MS4A14: variants seen among roughly 807,000 people sequenced by gnomAD.
MS4A14 encodes the protein membrane-spanning 4-domains subfamily A member 14.
Under a neutral mutation model 16.7 loss-of-function variants are expected in MS4A14, and 18 were observed. The ratio of observed to expected loss-of-function variants is 1.08; its 90% CI spans 0.75 to 1.60. The LOEUF is 1.60. MS4A14 is among the 40% of genes most tolerant of loss of function. The probability of loss-of-function intolerance (pLI) is 0.00; values close to 1 mark genes in which losing one functional copy is unlikely to be tolerated. For synonymous variants in MS4A14, 305 were observed against 289.4 expected (o/e 1.05, Z -0.55); for missense variants, 812 against 775.3 (o/e 1.05, Z -0.56).
intron 4 of MS4A14, chr11:60,405,899 T>C (rs1426033322): frequency 6.5e-7 from 1 of 1,534,732 alleles, no homozygotes; most frequent in South Asian, 1.2e-5. Flanking sequence ...GGAATTTTGT[T>C]AATCTTACTG....
chr11:60,414,270 T>C (rs2085906289), intron 4 of MS4A14, among the ~76,000 whole-genome samples: 1 of 152,142 alleles, frequency 6.6e-6, no homozygotes, highest in Non-Finnish European at 1.5e-5. Context: ...TCTTCCAAAG[T>C]ACCATTTATA....
chr11:60,397,945 G>A lies in MS4A14; in HGVS notation c.232G>A (p.Val78Ile). The change falls in exon 2 of 5, where the codon GTC becomes ATC. Residue 78 changes from valine to isoleucine, a missense_variant. By Grantham distance (29) the Val-to-Ile change is conservative (BLOSUM62 3). Transcript: ENST00000300187. The part of the protein sequence containing the change: ...IGFSQRLPLV[V>I]LTGYPFWGAL... ...TTTCTCCCAAAGACTTCCCCTTGTT[G>A]TCCTCACAGGATATCCATTCTGGGG... 6.2e-7 allele frequency: 1 copy of A among 1,613,518 alleles called. No homozygotes were observed. Among genetic ancestry groups the A allele is most frequent in the Non-Finnish European group, 8.5e-7 (1 of 1,179,630 alleles).
chr11:60,397,295 C>A (rs777046993), intron 1 of MS4A14, among the ~76,000 whole-genome samples: 1 of 152,130 alleles, frequency 6.6e-6, no homozygotes, highest in Non-Finnish European at 1.5e-5. Flanking sequence ...CTGGGCTATT[C>A]TCATCCCTAG....
At chr11:60,396,763 G>A in intron 1 of MS4A14, 47 bp downstream of exon 1, 1 of 1,577,654 alleles carries the variant, frequency 6.3e-7, no homozygotes, top group African/African-American at 1.4e-5. Context: ...GAGAAAAGAA[G>A]TTTATTTATT....
chr11:60,400,529 T>G lies in MS4A14; in HGVS notation c.318+75T>G, dbSNP rs979344126. The G allele has an allele frequency of 5.7e-6, 6 of 1,055,152 alleles. No individual in the cohort carries two copies. The Admixed American group carries it at 1.3e-4, about 22-fold the overall frequency. The allele number at this position is 1,055,152 out of a possible 1,614,324, so 65.4% of individuals were successfully genotyped here. On this transcript the variant is annotated intron_variant, in intron 3 of 4. Coordinates refer to ENST00000300187, the MANE Select transcript of MS4A14 (RefSeq NM_032597.5). ...TCATCTTTATGTATGAAGCCTTTAG[T>G]AATAAAGTTACCTTTCAGGAAAATC...
rs778576266 is a variant in MS4A14 at position 60,415,461 on chromosome 11, G to A, written c.493G>A (p.Val165Ile). 1.2e-5 allele frequency: 19 copies of A among 1,610,350 alleles called. No homozygotes were observed. The highest frequency in any genetic ancestry group is 1.5e-5 in the Non-Finnish European group (18 of 1,178,654). ...GGTTCTGTTTTTCTTGCCTTCGGAT[G>A]TTACTCAAAATAGTGAACAACCTGC... ...FIVLFFLPSD[V>I]TQNSEQPAPE... Residue 165 changes from valine to isoleucine, a missense_variant, in exon 5 of 5, where the codon GTT (valine) becomes ATT (isoleucine). Physicochemically the swap from Val to Ile is conservative, Grantham distance 29. Coordinates refer to ENST00000300187, the MANE Select transcript of MS4A14 (RefSeq NM_032597.5).
At chr11:60,411,164 T>C (rs746411361) in intron 4 of MS4A14, among the ~76,000 whole-genome samples, 3 of 152,200 alleles carry the variant, frequency 2.0e-5, no homozygotes, top group African/African-American at 4.8e-5. Flanking sequence ...TTTTAATTAG[T>C]GTAGCTTTAC....
intron 3 of MS4A14, 147 bp downstream of exon 3, chr11:60,400,601 C>A: frequency 1.9e-6 from 1 of 532,474 alleles, no homozygotes. Flanking sequence ...TTGCCAGTGC[C>A]ACTGTTTGCC....
Position 60,403,038 on chromosome 11 carries a change from G to T in MS4A14, c.445G>T (p.Val149Phe). The change falls in exon 4 of 5, where the codon GTT (valine) becomes TTT (phenylalanine). Residue 149 changes from valine to phenylalanine, a missense_variant. Val to Phe is a conservative substitution (Grantham distance 50). Transcript: ENST00000300187. The part of the protein sequence containing the change: ...CQMPSFEEIC[V>F]FSRTLFIVLF... ...GATGCCATCCTTTGAAGAAATATGT[G>T]TTTTCAGTAGAACTCTTTTCATTGT... 1 of 1,613,658 alleles carries T rather than the reference G, an allele frequency of 6.2e-7. No homozygotes were observed. Among genetic ancestry groups the T allele is most frequent in the Non-Finnish European group, 8.5e-7 (1 of 1,179,682 alleles).
At chr11:60,412,128 C>A (rs1167559183) in intron 4 of MS4A14, among the ~76,000 whole-genome samples, 1 of 151,916 alleles carries the variant, frequency 6.6e-6, no homozygotes, top group Non-Finnish European at 1.5e-5. Context: ...TATGAATAAT[C>A]CTTTTCTAAT....
At chr11:60,415,378 CA>C (rs958353695) in intron 4 of MS4A14, 58 bp from the exon 5 acceptor site, 4,790 of 1,239,322 alleles carry the variant, frequency 3.9e-3, no homozygotes, top group South Asian at 7.4e-3. Context: ...ACTTGGAAAA[CA>C]AAAAAAAAAT....
At chr11:60,403,544 TA>T (rs1169741847) in intron 4 of MS4A14, among the ~76,000 whole-genome samples, 1 of 152,206 alleles carries the variant, frequency 6.6e-6, no homozygotes, top group African/African-American at 2.4e-5. Flanking sequence ...AGAAGTCATT[TA>T]AAAAAATAAG....
In MS4A14 at chr11:60,416,364, G is replaced by C. The variant is rs1327010686; in HGVS notation, c.1396G>C (p.Glu466Gln). 2.5e-6 allele frequency: 4 copies of C among 1,613,954 alleles called. No individual in the cohort carries two copies. Among genetic ancestry groups the C allele is most frequent in the Non-Finnish European group, 3.4e-6 (4 of 1,179,948 alleles). Residue 466 changes from glutamate (E) to glutamine (Q), a missense_variant, in exon 5 of 5, where the codon GAA becomes CAA. By Grantham distance (29) the Glu-to-Gln change is conservative. Coordinates refer to ENST00000300187, the MANE Select transcript of MS4A14 (RefSeq NM_032597.5). ...SYQDIRSEVM[E>Q]ETKEWKSEEE... ...TCAAGATATTAGATCAGAAGTTATG[G>C]AAGAGACCAAAGAATGGAAATCTGA...
chr11:60,408,482 CT>C (rs987742547), intron 4 of MS4A14, among the ~76,000 whole-genome samples: 5 of 152,140 alleles, frequency 3.3e-5, no homozygotes, highest in African/African-American at 1.2e-4. Context: ...CTGATTGCCC[CT>C]GGTACCCTCT....
intron 4 of MS4A14, among the ~76,000 whole-genome samples, chr11:60,414,590 TGGG>T (rs1305726263): frequency 6.6e-6 from 1 of 152,122 alleles, no homozygotes. Context: ...TGAGAACTAA[TGGG>T]AAGCATTGCA....
Position 60,396,537 on chromosome 11 carries a change from G to A in MS4A14, c.-42G>A. The A allele has an allele frequency of 6.2e-7, 1 of 1,600,812 alleles. No individual in the cohort carries two copies. Among genetic ancestry groups the A allele is most frequent in the Non-Finnish European group, 8.5e-7 (1 of 1,173,520 alleles). On this transcript the variant is annotated 5_prime_UTR_variant, in exon 1 of 5. An upstream start codon of the reference 5' UTR is lost. Coordinates refer to ENST00000300187, the MANE Select transcript of MS4A14 (RefSeq NM_032597.5). Reference sequence around the variant, plus strand: ...GGTAGATCATGATTTGGGCGGCAATGTTTGCTCACTCTTTCCCTTACTAGA... The same window carrying A: ...GGTAGATCATGATTTGGGCGGCAATATTTGCTCACTCTTTCCCTTACTAGA...
At position 60,415,303 on chromosome 11, in the gene MS4A14, C is replaced by T. The variant is rs183120662; in HGVS notation, c.469-134C>T. On this transcript the variant is annotated intron_variant, in intron 4 of 4. Coordinates refer to ENST00000300187, the MANE Select transcript of MS4A14 (RefSeq NM_032597.5). Reference sequence around the variant, plus strand: ...TAATGGTAAAGGCAGGACTGGCATTCGTTTTCTGCCTTCTCATTTAGATGT... The same window carrying T: ...TAATGGTAAAGGCAGGACTGGCATTTGTTTTCTGCCTTCTCATTTAGATGT... 8.1e-5 allele frequency: 72 copies of T among 888,586 alleles called. 1 individual carries two copies. The highest frequency in any genetic ancestry group is 4.9e-4 in the Admixed American group (16 of 32,600). 55.0% of individuals were successfully genotyped at this position (888,586 alleles called of 1,614,324 possible). A position where few individuals can be genotyped will look rare whatever the true frequency, so the allele number is the denominator to read the frequency against.
At chr11:60,407,008 T>A (rs2085796927) in intron 4 of MS4A14, among the ~76,000 whole-genome samples, 2 of 14,270 alleles carry the variant, frequency 1.4e-4, no homozygotes, top group African/African-American at 5.2e-4. Context: ...CAATTTACCT[T>A]TTTTTTTTTT....
Position 60,396,500 on chromosome 11 carries a change from C to G in MS4A14, c.-79C>G, listed in dbSNP as rs1285102624. 6.5e-7 allele frequency: 1 copy of G among 1,529,002 alleles called. No individual in the cohort carries two copies. The highest frequency in any genetic ancestry group is 2.3e-5 in the East Asian group (1 of 44,260). The allele number at this position is 1,529,002 out of a possible 1,614,324, so 94.7% of individuals were successfully genotyped here. On this transcript the variant is annotated 5_prime_UTR_variant, in exon 1 of 5. Coordinates refer to ENST00000300187, the MANE Select transcript of MS4A14 (RefSeq NM_032597.5). ...GCTCATCTCTGAGGGCTCCATGTGA[C>G]TCTGGTGGAGAGGTAGATCATGATT...
Sources: gnomAD v4.1 joint callset for allele counts (sites outside exome capture counted in the v4.1 genomes callset) on GRCh38, gnomAD v4.1.1 for gene constraint, MANE v1.5 for transcripts, NCBI Gene and HGNC (gene_info 2026-07-23, HGNC 2026-07-21) for gene names.